Variants in MACROD2 observed in about 807,000 individuals in gnomAD.
The protein encoded by MACROD2 is ADP-ribose glycohydrolase MACROD2.
A neutral mutation model predicts 70.4 loss-of-function variants in MACROD2; 36 were observed. The observed-to-expected ratio is 0.51, with a 90% CI of 0.39 to 0.68. The LOEUF (loss-of-function observed/expected upper bound fraction) is 0.68. Among genes scored for constraint, MACROD2 ranks in the 30% least tolerant of loss-of-function variants. The probability of loss-of-function intolerance (pLI) is 0.00; values close to 1 mark genes in which losing one functional copy is unlikely to be tolerated. For missense variants in MACROD2, 496 were observed against 538.4 expected (o/e 0.92, Z 0.78); for synonymous variants, 172 against 178.8 (o/e 0.96, Z 0.30).
chr20:16,046,675 C>CTTTTTTTTTTTTTTTTT (rs557907668), intron 17 of MACROD2, among the ~76,000 whole-genome samples: 1 of 85,500 alleles, frequency 1.2e-5, no homozygotes, highest in Non-Finnish European at 2.2e-5. Context: ...GGTGTCAAAA[C>CTTTTTTTTTTTTTTTTT]TTTTTTTTTT....
chr20:15,572,222 T>C (rs2048385654), intron 8 of MACROD2, among the ~76,000 whole-genome samples: 1 of 152,088 alleles, frequency 6.6e-6, no homozygotes, highest in African/African-American at 2.4e-5. Context: ...ATCCTGGAAA[T>C]GACAGCATGA....
In MACROD2 at chr20:14,862,328, A is replaced by T. The variant is rs368220285; in HGVS notation, c.418+177369A>T. 4.1e-3 allele frequency among the ~76,000 whole-genome samples: 107 copies of T among 25,840 alleles called. 2 individuals carry two copies. Among genetic ancestry groups the T allele is most frequent in the African/African-American group, 0.014 (93 of 6,624 alleles). 17.0% of individuals were successfully genotyped at this position (25,840 alleles called of 152,430 possible). On this transcript the variant is annotated intron_variant, in intron 5 of 17. Coordinates refer to ENST00000684519, the MANE Select transcript of MACROD2 (RefSeq NM_001351661.2). Reference sequence around the variant, plus strand: ...ATAAATATATGTAAATATATATATAAAAATATATATTAATATATAAAAATA... The same window carrying T: ...ATAAATATATGTAAATATATATATATAAATATATATTAATATATAAAAATA...
chr20:14,737,907 A>G (rs542076903), intron 5 of MACROD2, among the ~76,000 whole-genome samples: 2 of 152,298 alleles, frequency 1.3e-5, no homozygotes, highest in African/African-American at 4.8e-5. Context: ...TCTTTGGAAG[A>G]ACTGAAAGCT....
chr20:14,804,236 G>T (rs2072612273), intron 5 of MACROD2, among the ~76,000 whole-genome samples: 1 of 151,638 alleles, frequency 6.6e-6, no homozygotes, highest in South Asian at 2.1e-4. Flanking sequence ...TCGTTATTTG[G>T]CTGTTTTTAT....
At chr20:14,553,576 G>A (rs1166540524) in intron 4 of MACROD2, among the ~76,000 whole-genome samples, 1 of 152,012 alleles carries the variant, frequency 6.6e-6, no homozygotes, top group African/African-American at 2.4e-5. Context: ...CAGTAGGTTT[G>A]TTTACATCAG....
At position 15,345,413 on chromosome 20, in the gene MACROD2, G is replaced by A. The variant is rs1249973044; in HGVS notation, c.541-85992G>A. On this transcript the variant is annotated intron_variant, in intron 6 of 17. Transcript: ENST00000684519. ...AGCAGCCCATGCTGTAAGAGTATTA[G>A]AATATTAGTTCCATTAGGGATAGGA... 2.0e-5 allele frequency among the ~76,000 whole-genome samples: 3 copies of A among 152,160 alleles called. No homozygotes were observed. The East Asian group carries it at 5.8e-4, about 29-fold the overall frequency.
chr20:15,833,222 A>C (rs1476880219), intron 8 of MACROD2, among the ~76,000 whole-genome samples: 3 of 152,196 alleles, frequency 2.0e-5, no homozygotes, highest in Admixed American at 6.5e-5. Flanking sequence ...GATGGCTGAA[A>C]ATAGAACCCT....
At position 14,002,331 on chromosome 20, in the gene MACROD2, C is replaced by T; in HGVS notation, c.90C>T (p.Tyr30=). ...CCTTAGAAGAGAGACGCAAAGAATA[C>T]CTAAGAGACTATATTCCCCTGAACA... The part of the protein sequence containing the change: ...KMTLEERRKE[Y]LRDYIPLNSI... The change falls in exon 2 of 18, where the codon TAC becomes TAT. Residue 30 remains tyrosine (Y), a synonymous_variant. Coordinates refer to ENST00000684519, the MANE Select transcript of MACROD2 (RefSeq NM_001351661.2). The T allele has an allele frequency of 6.2e-7, 1 of 1,609,654 alleles. No homozygotes were observed. The highest frequency in any genetic ancestry group is 8.5e-7 in the Non-Finnish European group (1 of 1,178,210).
intron 3 of MACROD2, among the ~76,000 whole-genome samples, chr20:14,428,597 A>G (rs2083961356): frequency 6.6e-6 from 1 of 152,148 alleles, no homozygotes; most frequent in Non-Finnish European, 1.5e-5. Flanking sequence ...AATTATTTAA[A>G]AAGAGATAAA....
chr20:14,309,693 T>G (rs1452832894), intron 3 of MACROD2, among the ~76,000 whole-genome samples: 1 of 152,156 alleles, frequency 6.6e-6, no homozygotes, highest in African/African-American at 2.4e-5. Context: ...CCTAATGATT[T>G]CTCTATTTTA....
chr20:15,109,996 T>C (rs1254407853), intron 5 of MACROD2, among the ~76,000 whole-genome samples: 1 of 152,160 alleles, frequency 6.6e-6, no homozygotes. Flanking sequence ...GTTCAGAATG[T>C]ACAAGGAACA....
intron 3 of MACROD2, among the ~76,000 whole-genome samples, chr20:14,452,663 T>C (rs1019948712): frequency 6.6e-6 from 1 of 152,166 alleles, no homozygotes; most frequent in African/African-American, 2.4e-5. Flanking sequence ...GCTCCCTTTA[T>C]ACAATGTGCA....
chr20:14,957,943 T>C (rs917749485), intron 5 of MACROD2, among the ~76,000 whole-genome samples: 5 of 152,266 alleles, frequency 3.3e-5, no homozygotes, highest in Middle Eastern at 3.4e-3. Flanking sequence ...CATCCTTTGC[T>C]TTTCTCTGAC....
rs573405206 is a variant in MACROD2, at chr20:14,841,866, CTA to C, written c.418+156910_418+156911del. Among the ~76,000 whole-genome samples the C allele has an allele frequency of 3.3e-5, 5 of 152,062 alleles. No individual in the cohort carries two copies. The South Asian group carries it at 1.0e-3, about 32-fold the overall frequency. Reference sequence around the variant, plus strand: ...GGTTTTAAGACTTTTATTTTGGGTACTATAGAGTAGAGACCATGTCATTCCCC... The same window carrying C: ...GGTTTTAAGACTTTTATTTTGGGTACTAGAGTAGAGACCATGTCATTCCCC... On this transcript the variant is annotated intron_variant, in intron 5 of 17. Coordinates refer to ENST00000684519, the MANE Select transcript of MACROD2 (RefSeq NM_001351661.2).
chr20:15,333,759 A>G (rs2078018814), intron 6 of MACROD2, among the ~76,000 whole-genome samples: 1 of 151,608 alleles, frequency 6.6e-6, no homozygotes, highest in Admixed American at 6.6e-5. Context: ...GATGTTCAAT[A>G]TCCATTAGGT....
At chr20:14,921,109 A>T (rs779849830) in intron 5 of MACROD2, among the ~76,000 whole-genome samples, 2 of 152,188 alleles carry the variant, frequency 1.3e-5, no homozygotes, top group Non-Finnish European at 2.9e-5. Flanking sequence ...ACACTGGTGA[A>T]TCAACTCTGT....
chr20:15,986,359 TG>T (rs1365399755), intron 13 of MACROD2, among the ~76,000 whole-genome samples: 1 of 152,200 alleles, frequency 6.6e-6, no homozygotes, highest in East Asian at 1.9e-4. Context: ...ATCCTCACTA[TG>T]GGAAATATTT....
intron 6 of MACROD2, among the ~76,000 whole-genome samples, chr20:15,360,291 A>C (rs2146242774): frequency 6.6e-6 from 1 of 152,248 alleles, no homozygotes; most frequent in Middle Eastern, 3.4e-3. Context: ...CTTTTTGACT[A>C]TTACAAATAA....
At chr20:15,801,841 T>C (rs1223772648) in intron 8 of MACROD2, among the ~76,000 whole-genome samples, 1 of 152,128 alleles carries the variant, frequency 6.6e-6, no homozygotes, top group Non-Finnish European at 1.5e-5. Flanking sequence ...ACAGGGGATG[T>C]CTTTCCCTTT....
Sources: allele counts gnomAD v4.1 joint callset (sites outside exome capture counted in the v4.1 genomes callset), GRCh38; gene constraint gnomAD v4.1.1; transcripts MANE v1.5; gene names NCBI Gene and HGNC (gene_info 2026-07-23, HGNC 2026-07-21).